The following U2AF2 variants were observed in gnomAD, a reference collection of about 807,000 sequenced individuals.
U2AF2 encodes U2 small nuclear RNA auxiliary factor 2.
U2AF2 carries 6 observed loss-of-function variants against 52.6 expected under a neutral mutation model. The ratio of observed to expected loss-of-function variants is 0.11; its 90% CI spans 0.06 to 0.23. The LOEUF (loss-of-function observed/expected upper bound fraction) is 0.23. Ranked by LOEUF, U2AF2 falls within the 10% of genes least tolerant of loss-of-function variation. U2AF2 has a pLI of 1.00. For missense variants in U2AF2, 222 were observed against 677.1 expected, an observed-to-expected ratio of 0.33 and a Z score of 7.46; for synonymous variants, 284 against 258.2, an observed-to-expected ratio of 1.10 and a Z score of -0.96.
At chr19:55,658,009 A>T (rs1214666729) in intron 1 of U2AF2, among the ~76,000 whole-genome samples, 1 of 152,150 alleles carries the variant, frequency 6.6e-6, no homozygotes, top group Non-Finnish European at 1.5e-5. Context: ...TGCTGGGTGC[A>T]TATTTTTCTG....
chr19:55,661,509 C>G (rs1160601315), intron 5 of U2AF2, among the ~76,000 whole-genome samples: 1 of 112,728 alleles, frequency 8.9e-6, no homozygotes, highest in Non-Finnish European at 1.8e-5. Context: ...GACACACACA[C>G]ACACACACAC....
At chr19:55,673,893 C>A in intron 11 of U2AF2, 41 bp from the exon 12 acceptor site, 2 of 1,584,556 alleles carry the variant, frequency 1.3e-6, no homozygotes, top group South Asian at 1.2e-5. Context: ...GGCTGTTGGG[C>A]GTGAGCCTTG....
intron 5 of U2AF2, 46 bp downstream of exon 5, chr19:55,661,235 C>G: frequency 6.8e-7 from 1 of 1,475,464 alleles, no homozygotes; most frequent in Non-Finnish European, 9.0e-7. Flanking sequence ...TCCCTCTACC[C>G]CGTTCCTCCC....
intron 3 of U2AF2, 58 bp downstream of exon 3, chr19:55,660,279 G>T: frequency 6.4e-7 from 1 of 1,573,770 alleles, no homozygotes; most frequent in Non-Finnish European, 8.7e-7. Flanking sequence ...CCTTCCTCAC[G>T]CCCGTGCACC....
intron 3 of U2AF2, 26 bp from the exon 4 acceptor site, chr19:55,660,490 C>T (rs773570042): frequency 3.0e-6 from 3 of 994,884 alleles, no homozygotes; most frequent in Non-Finnish European, 4.7e-6. Context: ...TTGCCCTGCC[C>T]CGCTCTCCCC....
intron 11 of U2AF2, chr19:55,671,572 G>A: frequency 6.6e-6 from 1 of 152,502 alleles, no homozygotes; most frequent in Non-Finnish European, 1.5e-5. Flanking sequence ...GCAGGGTTGG[G>A]GAGGGCGGCT....
At chr19:55,655,247 C>T (rs933806770) in intron 1 of U2AF2, 94 bp downstream of exon 1, 1 of 1,390,172 alleles carries the variant, frequency 7.2e-7, no homozygotes, top group African/African-American at 1.5e-5. Context: ...CCCCCCACTT[C>T]ACGGCCGCGC....
At position 55,655,128 on chromosome 19, in the gene U2AF2, G is replaced by A; in HGVS notation, c.24G>A (p.Glu8=). 1 of 1,605,646 alleles carries A rather than the reference G, an allele frequency of 6.2e-7. No homozygotes were observed. The highest frequency in any genetic ancestry group is 1.4e-5 in the African/African-American group (1 of 73,152). MSDFDEF[E]RQLNENKQER... ...GCATGTCGGACTTCGACGAGTTCGA[G>A]CGGCAGCTCAACGAGAATAAACAAG... The change falls in exon 1 of 12, where the codon GAG becomes GAA. Residue 8 remains glutamate (E), a synonymous_variant. Transcript: ENST00000308924.
rs963923475 is a variant in U2AF2 at position 55,668,857 on chromosome 19, A to G, written c.945+65A>G. 3.2e-6 allele frequency: 5 copies of G among 1,568,634 alleles called. No individual in the cohort carries two copies. The highest frequency in any genetic ancestry group is 2.1e-4 in the Middle Eastern group (1 of 4,660). ...CCCTGCCCTGCGCTGTTGCCAAGCC[A>G]TGGTCTCCCCTCCTCAGGGGACGGG... On this transcript the variant is annotated intron_variant, in intron 9 of 11. Coordinates refer to ENST00000308924, the MANE Select transcript of U2AF2 (RefSeq NM_007279.3). This position sits in a 1 kb window ranked among gnomAD's most constrained non-coding sequence, Gnocchi z 5.5.
At chr19:55,669,304 G>A (rs895447523) in intron 10 of U2AF2, 123 bp downstream of exon 10, 5 of 1,543,992 alleles carry the variant, frequency 3.2e-6, no homozygotes, top group Non-Finnish European at 4.4e-6. Flanking sequence ...ATTCAGTGCA[G>A]TGTTGGGGAG....
intron 11 of U2AF2, among the ~76,000 whole-genome samples, chr19:55,673,225 A>G (rs977373293): frequency 2.0e-5 from 3 of 151,706 alleles, no homozygotes; most frequent in Non-Finnish European, 2.9e-5. Context: ...AGCCGAGGAT[A>G]TTTTTTATAG....
At chr19:55,663,897 T>G (rs1600077302) in intron 7 of U2AF2, 153 bp downstream of exon 7, 2 of 1,153,958 alleles carry the variant, frequency 1.7e-6, no homozygotes, top group Non-Finnish European at 2.4e-6. Flanking sequence ...TCTCTGTGAG[T>G]GGGGTGCTCT....
chr19:55,668,832 C>T lies in U2AF2; in HGVS notation c.945+40C>T. 6.3e-7 allele frequency: 1 copy of T among 1,590,964 alleles called. No homozygotes were observed. Among genetic ancestry groups the T allele is most frequent in the Non-Finnish European group, 8.6e-7 (1 of 1,165,632 alleles). ...GCTGGCCGCTGCCGCGTCTGTCCTTCCCTGCCCTGCGCTGTTGCCAAGCCA... is the reference window on the plus strand; with the variant it reads ...GCTGGCCGCTGCCGCGTCTGTCCTTTCCTGCCCTGCGCTGTTGCCAAGCCA... On this transcript the variant is annotated intron_variant, in intron 9 of 11. Transcript: ENST00000308924. This position sits in a 1 kb window ranked among gnomAD's most constrained non-coding sequence, Gnocchi z 5.5.
At chr19:55,662,836 G>A (rs1355715623) in intron 6 of U2AF2, among the ~76,000 whole-genome samples, 1 of 151,996 alleles carries the variant, frequency 6.6e-6, no homozygotes. Context: ...AGGCCTGTTT[G>A]GCCTCTGTAG....
At chr19:55,660,435 G>A (rs1231445310) in intron 3 of U2AF2, 81 bp from the exon 4 acceptor site, 2 of 1,183,972 alleles carry the variant, frequency 1.7e-6, no homozygotes, top group Non-Finnish European at 2.5e-6. Context: ...GGGTGAAAGG[G>A]TGCCTGGGAG....
chr19:55,672,781 C>CA (rs1283410140), intron 11 of U2AF2, among the ~76,000 whole-genome samples: 1 of 147,964 alleles, frequency 6.8e-6, no homozygotes, highest in African/African-American at 2.5e-5. Context: ...GGCTGGAGTG[C>CA]AGTGTGCCCG....
Position 55,655,049 on chromosome 19 carries a change from G to A in U2AF2, c.-56G>A. On this transcript the variant is annotated 5_prime_UTR_variant, in exon 1 of 12. Coordinates refer to ENST00000308924, the MANE Select transcript of U2AF2 (RefSeq NM_007279.3). ...GCGGCGGAAGTAGCCGAAGCGGCTG[G>A]AGCGGGCGGCAAGGCGAGGCGAAAG... 2 of 1,598,542 alleles carry A rather than the reference G, an allele frequency of 1.3e-6. No individual in the cohort carries two copies. The highest frequency in any genetic ancestry group is 4.6e-5 in the East Asian group (2 of 43,550).
At chr19:55,666,007 TC>T (rs1256739122) in intron 7 of U2AF2, among the ~76,000 whole-genome samples, 4 of 152,242 alleles carry the variant, frequency 2.6e-5, no homozygotes, top group African/African-American at 7.2e-5. Flanking sequence ...AGCGCCTCCT[TC>T]CTGGGTAGGG....
intron 4 of U2AF2, 148 bp from the exon 5 acceptor site, chr19:55,660,890 C>T (rs918775988): frequency 2.1e-5 from 28 of 1,340,176 alleles, no homozygotes; most frequent in East Asian, 1.0e-4. Flanking sequence ...GTGGGGGCCC[C>T]GAGGGTGGAA....
Sources: allele counts gnomAD v4.1 joint callset (sites outside exome capture counted in the v4.1 genomes callset), GRCh38; gene constraint gnomAD v4.1.1; non-coding constraint Gnocchi (gnomAD v3.1); transcripts MANE v1.5; gene names NCBI Gene and HGNC (gene_info 2026-07-23, HGNC 2026-07-21).